The following ARFIP1 variants were observed in gnomAD, a reference collection of about 807,000 sequenced individuals.
The protein encoded by ARFIP1 is arfaptin-1.
In ARFIP1, 24 loss-of-function variants were observed where a neutral mutation model predicts 42.5. The ratio of observed to expected loss-of-function variants is 0.57; its 90% CI spans 0.41 to 0.80. The LOEUF (loss-of-function observed/expected upper bound fraction) is 0.80, where lower values mean the gene tolerates loss of function less well. Among genes scored for constraint, ARFIP1 ranks in the 30% least tolerant of loss-of-function variants. The pLI is 0.00. For synonymous variants in ARFIP1, 141 were observed against 153.7 expected (o/e 0.92, Z 0.61); for missense variants, 354 against 434.0 (o/e 0.82, Z 1.64).
chr4:152,830,976 T>C (rs1731205274), intron 2 of ARFIP1, among the ~76,000 whole-genome samples: 1 of 152,198 alleles, frequency 6.6e-6, no homozygotes, highest in African/African-American at 2.4e-5. Flanking sequence ...GGCAAGTGCT[T>C]TAACTTGGTT....
intron 1 of ARFIP1, among the ~76,000 whole-genome samples, chr4:152,808,311 T>TTTTTTTTTTTTTTTTTC (rs1729167894): frequency 7.9e-6 from 1 of 126,632 alleles, no homozygotes; most frequent in South Asian, 2.9e-4. Flanking sequence ...TTTTTTTTTT[T>TTTTTTTTTTTTTTTTTC]TTTTTTGTAG....
rs114539370 is a variant in ARFIP1, at chr4:152,807,530, T to C, written c.-9-22095T>C. 5.0e-3 allele frequency among the ~76,000 whole-genome samples: 765 copies of C among 152,344 alleles called. 9 individuals carry two copies. Among genetic ancestry groups the C allele is most frequent in the South Asian group, 0.018 (87 of 4,830 alleles). On this transcript the variant is annotated intron_variant, in intron 1 of 8. Transcript: ENST00000353617. The stretch of plus-strand genomic sequence containing the variant: ...TTGATGACTAATGATGTTGAGCATC[T>C]TTTAATGTACTTACTCGCCATTCCT...
At chr4:152,780,801 C>A (rs1730441915) in intron 1 of ARFIP1, among the ~76,000 whole-genome samples, 1 of 152,190 alleles carries the variant, frequency 6.6e-6, no homozygotes. Context: ...CAAGTTACTA[C>A]TGTTTACGTG....
chr4:152,822,263 A>G (rs1313688805), intron 1 of ARFIP1, among the ~76,000 whole-genome samples: 1 of 149,172 alleles, frequency 6.7e-6, no homozygotes, highest in Non-Finnish European at 1.5e-5. Flanking sequence ...TAGCCATTAT[A>G]TCAGATCAAA....
chr4:152,860,652 C>T (rs954295177), intron 2 of ARFIP1, among the ~76,000 whole-genome samples: 28 of 152,202 alleles, frequency 1.8e-4, no homozygotes, highest in Non-Finnish European at 3.8e-4. Flanking sequence ...TGATGAAATC[C>T]CAGGTTTGAG....
chr4:152,839,962 C>T (rs143772271), intron 2 of ARFIP1, among the ~76,000 whole-genome samples: 299 of 152,208 alleles, frequency 2.0e-3, no homozygotes, highest in African/African-American at 6.8e-3. Flanking sequence ...TGCTGTTTCC[C>T]AGAGGTTTTG....
intron 1 of ARFIP1, among the ~76,000 whole-genome samples, chr4:152,808,099 G>C (rs1024856659): frequency 6.6e-6 from 1 of 151,914 alleles, no homozygotes; most frequent in African/African-American, 2.4e-5. Flanking sequence ...TCCTGCCTCA[G>C]CCTCCCAAGT....
intron 1 of ARFIP1, among the ~76,000 whole-genome samples, chr4:152,817,982 T>C (rs1327134825): frequency 1.3e-5 from 2 of 152,222 alleles, no homozygotes; most frequent in African/African-American, 2.4e-5. Context: ...ATGCAGAGAT[T>C]GGAATCCTTG....
rs1738716125 is a variant in ARFIP1, at chr4:152,910,104, C to T, written c.1007C>T (p.Ala336Val). The stretch of plus-strand genomic sequence containing the variant: ...AATCAGCTGGTCCTTTTCCACAATG[C>T]CATTGCCGCTTACTTTGCTGGGAAT... Reference protein sequence around the residue: ...LHNQLVLFHNAIAAYFAGNQK... With the variant: ...LHNQLVLFHNVIAAYFAGNQK... Residue 336 changes from alanine (A) to valine (V), a missense_variant, in exon 9 of 9, where the codon GCC becomes GTC. Transcript: ENST00000353617. 6.2e-7 allele frequency: 1 copy of T among 1,614,174 alleles called. No homozygotes were observed. Among genetic ancestry groups the T allele is most frequent in the Non-Finnish European group, 8.5e-7 (1 of 1,180,024 alleles).
At chr4:152,880,441 A>G (rs1291225601) in intron 5 of ARFIP1, among the ~76,000 whole-genome samples, 1 of 152,078 alleles carries the variant, frequency 6.6e-6, no homozygotes, top group Non-Finnish European at 1.5e-5. Flanking sequence ...CTGTGTGAGT[A>G]AAAGTAACTT....
intron 8 of ARFIP1, among the ~76,000 whole-genome samples, chr4:152,907,812 T>C (rs1459309452): frequency 6.6e-6 from 1 of 152,228 alleles, no homozygotes; most frequent in Non-Finnish European, 1.5e-5. Flanking sequence ...GTTTTCTTGC[T>C]TTTTTAATGC....
At chr4:152,798,966 G>A (rs530088914) in intron 1 of ARFIP1, among the ~76,000 whole-genome samples, 15 of 152,298 alleles carry the variant, frequency 9.8e-5, no homozygotes, top group Admixed American at 7.8e-4. Flanking sequence ...CCACATGAAG[G>A]TCAGGGAGAT....
intron 7 of ARFIP1, among the ~76,000 whole-genome samples, chr4:152,885,588 C>T (rs917318678): frequency 3.3e-5 from 5 of 151,820 alleles, no homozygotes; most frequent in African/African-American, 1.2e-4. Context: ...TGGTAATGAG[C>T]ACTGTTAGAG....
intron 2 of ARFIP1, among the ~76,000 whole-genome samples, chr4:152,852,708 T>G (rs1347401558): frequency 6.6e-6 from 1 of 152,212 alleles, no homozygotes; most frequent in Non-Finnish European, 1.5e-5. Flanking sequence ...TATATAATAT[T>G]ACTTAGAGAA....
chr4:152,890,382 G>A (rs1736744881), intron 8 of ARFIP1, among the ~76,000 whole-genome samples: 1 of 152,082 alleles, frequency 6.6e-6, no homozygotes, highest in Non-Finnish European at 1.5e-5. Context: ...TCAGATGAAT[G>A]TTACTTCTGA....
intron 2 of ARFIP1, among the ~76,000 whole-genome samples, chr4:152,841,365 C>T (rs551943569): frequency 2.0e-5 from 3 of 152,132 alleles, no homozygotes; most frequent in Non-Finnish European, 2.9e-5. Context: ...AGCATTTAGA[C>T]CATTTGTATT....
chr4:152,910,055 T>C lies in ARFIP1; in HGVS notation c.967-9T>C. Reference sequence around the variant, plus strand: ...AATGCTTGGTCTTGTAACTCTGCCCTGTCCACAGGTTAAAGTATTGCACAA... The same window carrying C: ...AATGCTTGGTCTTGTAACTCTGCCCCGTCCACAGGTTAAAGTATTGCACAA... On this transcript the variant is annotated splice_polypyrimidine_tract_variant and intron_variant, in intron 8 of 8. Transcript: ENST00000353617. 6.2e-7 allele frequency: 1 copy of C among 1,613,340 alleles called. No individual in the cohort carries two copies. The highest frequency in any genetic ancestry group is 8.5e-7 in the Non-Finnish European group (1 of 1,179,774).
intron 1 of ARFIP1, among the ~76,000 whole-genome samples, chr4:152,820,243 G>C (rs938266107): frequency 6.6e-6 from 1 of 151,810 alleles, no homozygotes; most frequent in Non-Finnish European, 1.5e-5. Flanking sequence ...ACCTGTCTTT[G>C]CTGCGGCCAG....
At chr4:152,786,590 G>T (rs1935239941) in intron 1 of ARFIP1, among the ~76,000 whole-genome samples, 1 of 151,998 alleles carries the variant, frequency 6.6e-6, no homozygotes, top group Admixed American at 6.6e-5. Flanking sequence ...ATTCTTATCT[G>T]TCCTCTCTAA....
Sources: gnomAD v4.1 joint callset for allele counts (sites outside exome capture counted in the v4.1 genomes callset) on GRCh38, gnomAD v4.1.1 for gene constraint, MANE v1.5 for transcripts, NCBI Gene and HGNC (gene_info 2026-07-23, HGNC 2026-07-21) for gene names.